TCF12: variants seen among roughly 807,000 people sequenced by gnomAD.
TCF12 encodes the protein DNA-binding protein HTF4.
A neutral mutation model predicts 86.0 loss-of-function variants in TCF12; 45 were observed. The ratio of observed to expected loss-of-function variants is 0.52; its 90% CI spans 0.41 to 0.67. The LOEUF (loss-of-function observed/expected upper bound fraction) is 0.67. Among genes scored for constraint, TCF12 ranks in the 30% least tolerant of loss-of-function variants. The pLI is 0.00. For synonymous variants in TCF12, 330 were observed against 299.6 expected (o/e 1.10, Z -1.05); for missense variants, 881 against 859.9 (o/e 1.02, Z -0.31).
rs183481069 is a variant in TCF12 at position 57,043,181 on chromosome 15, A to G, written c.149-20569A>G. Among the ~76,000 whole-genome samples the G allele has an allele frequency of 4.0e-3, 615 of 152,304 alleles. 7 individuals are homozygous for G. The highest frequency in any genetic ancestry group is 0.014 in the African/African-American group (584 of 41,556). On this transcript the variant is annotated intron_variant, in intron 3 of 20. Transcript: ENST00000333725. ...CCCACTAAAACTACATGGATTAACTACATTAATCCATCGGTAGACATTTAG... is the reference window on the plus strand; with the variant it reads ...CCCACTAAAACTACATGGATTAACTGCATTAATCCATCGGTAGACATTTAG...
chr15:56,968,289 T>A (rs1175845759), intron 3 of TCF12, among the ~76,000 whole-genome samples: 1 of 152,088 alleles, frequency 6.6e-6, no homozygotes, highest in African/African-American at 2.4e-5. Flanking sequence ...TTTTGTGGCT[T>A]GTGTTTCATA....
At chr15:57,145,078 A>ATT (rs2053260993) in intron 5 of TCF12, among the ~76,000 whole-genome samples, 1 of 152,244 alleles carries the variant, frequency 6.6e-6, no homozygotes, top group African/African-American at 2.4e-5. Context: ...CCAAAAGAAA[A>ATT]TAAGAACATC....
intron 4 of TCF12, among the ~76,000 whole-genome samples, chr15:57,076,830 T>C (rs1342334632): frequency 6.6e-6 from 1 of 152,148 alleles, no homozygotes; most frequent in Non-Finnish European, 1.5e-5. Flanking sequence ...TTTGTTTCTG[T>C]ATAAGATGTC....
intron 6 of TCF12, among the ~76,000 whole-genome samples, chr15:57,175,877 A>G (rs973459418): frequency 6.6e-6 from 1 of 152,226 alleles, no homozygotes; most frequent in Admixed American, 6.5e-5. Flanking sequence ...TTTCAGCTTA[A>G]TTTTAAAAAG....
At chr15:57,006,603 C>G (rs2064390927) in intron 3 of TCF12, among the ~76,000 whole-genome samples, 1 of 150,908 alleles carries the variant, frequency 6.6e-6, no homozygotes, top group Non-Finnish European at 1.5e-5. Context: ...GATAGCTATT[C>G]ATTTAAAATT....
intron 8 of TCF12, among the ~76,000 whole-genome samples, chr15:57,215,309 G>A (rs1338873628): frequency 1.3e-5 from 2 of 152,148 alleles, no homozygotes; most frequent in African/African-American, 2.4e-5. Context: ...AGGCATTGGG[G>A]AAGGTTCTTT....
chr15:57,170,431 G>A (rs1355610393), intron 6 of TCF12, among the ~76,000 whole-genome samples: 3 of 150,980 alleles, frequency 2.0e-5, no homozygotes, highest in African/African-American at 7.3e-5. Context: ...TGAAAGATAA[G>A]CAGTTTCTGC....
chr15:57,040,790 C>A (rs2066847217), intron 3 of TCF12, among the ~76,000 whole-genome samples: 1 of 152,108 alleles, frequency 6.6e-6, no homozygotes, highest in Non-Finnish European at 1.5e-5. Flanking sequence ...TGAAAAATTG[C>A]ATTTAGGGTA....
rs75569829 is a variant in TCF12, at chr15:56,980,492, G to A, written c.148+59394G>A. On this transcript the variant is annotated intron_variant, in intron 3 of 20. Coordinates refer to ENST00000333725, the MANE Select transcript of TCF12 (RefSeq NM_207037.2). ...CATTGAGGCTGCTGGCGCCCTTACT[G>A]TAGACTTTTCAGCCTCCAGAACTGT... is the stretch of plus-strand genomic sequence containing the variant. 3.3e-5 allele frequency among the ~76,000 whole-genome samples: 5 copies of A among 152,292 alleles called. No homozygotes were observed. The East Asian group carries it at 9.6e-4, about 29-fold the overall frequency.
intron 8 of TCF12, among the ~76,000 whole-genome samples, chr15:57,211,943 G>A (rs1028616855): frequency 6.7e-6 from 1 of 149,418 alleles, no homozygotes; most frequent in Non-Finnish European, 1.5e-5. Context: ...AACAAAGCAG[G>A]ACTTTGAGAC....
intron 3 of TCF12, among the ~76,000 whole-genome samples, chr15:56,970,869 G>C (rs1342050405): frequency 6.6e-6 from 1 of 150,738 alleles, no homozygotes; most frequent in East Asian, 2.0e-4. Flanking sequence ...GGGCAACATA[G>C]GGAGACCCTG....
chr15:57,180,090 C>T (rs1414740406), intron 6 of TCF12, among the ~76,000 whole-genome samples: 1 of 152,048 alleles, frequency 6.6e-6, no homozygotes. Context: ...AATGAATTTG[C>T]ATCATAATAC....
chr15:57,143,910 A>G (rs556846337), intron 5 of TCF12, among the ~76,000 whole-genome samples: 92 of 152,240 alleles, frequency 6.0e-4, no homozygotes, highest in African/African-American at 2.1e-3. Context: ...TGTCTCCAGT[A>G]AGAGAGATTA....
At chr15:57,059,189 G>C (rs1378747997) in intron 3 of TCF12, among the ~76,000 whole-genome samples, 1 of 152,136 alleles carries the variant, frequency 6.6e-6, no homozygotes, top group Non-Finnish European at 1.5e-5. Context: ...TTTGATTTCA[G>C]TGCTACTAAA....
intron 3 of TCF12, among the ~76,000 whole-genome samples, chr15:56,993,162 A>G (rs2063536019): frequency 6.6e-6 from 1 of 152,206 alleles, no homozygotes; most frequent in Non-Finnish European, 1.5e-5. Flanking sequence ...GCAATCTGAA[A>G]CAGAAAGCTC....
intron 6 of TCF12, among the ~76,000 whole-genome samples, chr15:57,191,519 A>G (rs1180346899): frequency 6.6e-6 from 1 of 152,226 alleles, no homozygotes; most frequent in East Asian, 1.9e-4. Flanking sequence ...TGTGTTCATG[A>G]AAGTATTAAA....
intron 8 of TCF12, among the ~76,000 whole-genome samples, chr15:57,228,410 T>C (rs570388428): frequency 1.7e-4 from 26 of 152,044 alleles, no homozygotes; most frequent in Non-Finnish European, 3.2e-4. Flanking sequence ...AAAAATGATA[T>C]AGTAGGATTT....
chr15:57,231,086 A>G (rs2059117325), intron 8 of TCF12, 66 bp from the exon 9 acceptor site: 2 of 1,241,010 alleles, frequency 1.6e-6, no homozygotes, highest in East Asian at 2.3e-5. Flanking sequence ...AGAATATAGA[A>G]CTCATTTTAC....
intron 5 of TCF12, among the ~76,000 whole-genome samples, chr15:57,138,351 T>A (rs2052706428): frequency 6.6e-6 from 1 of 152,210 alleles, no homozygotes; most frequent in South Asian, 2.1e-4. Context: ...GAAGAAGCTT[T>A]CTGTAAGCTT....
Sources: allele counts gnomAD v4.1 joint callset (sites outside exome capture counted in the v4.1 genomes callset), GRCh38; gene constraint gnomAD v4.1.1; transcripts MANE v1.5; gene names NCBI Gene and HGNC (gene_info 2026-07-23, HGNC 2026-07-21).